DNAH6: variants seen among roughly 807,000 people sequenced by gnomAD.
DNAH6 encodes the protein axonemal beta dynein heavy chain 6.
DNAH6 carries 340 observed loss-of-function variants against 491.4 expected under a neutral mutation model. The observed-to-expected ratio is 0.69, with a 90% CI of 0.63 to 0.76. DNAH6 has a LOEUF of 0.76. Ranked by LOEUF, DNAH6 falls within the 30% of genes least tolerant of loss-of-function variation. The pLI, the probability that DNAH6 is intolerant of heterozygous loss-of-function variation, is 0.00. For synonymous variants in DNAH6, 1,603 were observed against 1,686.1 expected (o/e 0.95, Z 1.21); for missense variants, 4,443 against 4,972.2 (o/e 0.89, Z 3.20).
At chr2:84,613,008 G>GA (rs140314274) in intron 22 of DNAH6, among the ~76,000 whole-genome samples, 4,163 of 150,234 alleles carry the variant, frequency 0.028, 76 homozygotes, top group Non-Finnish European at 0.04. Context: ...CTTCTGAAAT[G>GA]AAAAAAAAAT....
intron 40 of DNAH6, among the ~76,000 whole-genome samples, chr2:84,675,749 C>T (rs1288050567): frequency 1.3e-5 from 2 of 152,186 alleles, no homozygotes; most frequent in African/African-American, 2.4e-5. Flanking sequence ...GCCTCAACCT[C>T]CCAGGCTCAA....
At chr2:84,703,305 A>T (rs1165692970) in intron 49 of DNAH6, 90 bp from the exon 50 acceptor site, 3 of 936,444 alleles carry the variant, frequency 3.2e-6, no homozygotes, top group Admixed American at 3.2e-5. Context: ...TGTAGACGTA[A>T]AAGTCTAATA....
intron 71 of DNAH6, 143 bp from the exon 72 acceptor site, chr2:84,808,272 A>G (rs1177028458): frequency 8.8e-6 from 8 of 908,418 alleles, no homozygotes; most frequent in Non-Finnish European, 1.3e-5. Context: ...TTATAGAAAC[A>G]TCACATTTAA....
chr2:84,679,597 C>T (rs1056652367), intron 41 of DNAH6, among the ~76,000 whole-genome samples: 3 of 152,170 alleles, frequency 2.0e-5, no homozygotes, highest in Non-Finnish European at 4.4e-5. Flanking sequence ...CTGCATCTTG[C>T]GTGCATGTTC....
chr2:84,564,286 C>T (rs1680956460), intron 11 of DNAH6, among the ~76,000 whole-genome samples: 2 of 152,096 alleles, frequency 1.3e-5, no homozygotes, highest in Admixed American at 1.3e-4. Context: ...TTGCTTTGGG[C>T]ATTATGGCCA....
In DNAH6 at chr2:84,727,989, C is replaced by G. The variant is rs562764010; in HGVS notation, c.10206+87C>G. On this transcript the variant is annotated intron_variant, in intron 61 of 76. Transcript: ENST00000389394. ...ATTTTGAATTGTAGCTACCATAATTCCCATGTGCTGTAGGATGGACCTGGT... is the reference window on the plus strand; with the variant it reads ...ATTTTGAATTGTAGCTACCATAATTGCCATGTGCTGTAGGATGGACCTGGT... The G allele has an allele frequency of 2.2e-4, 188 of 850,548 alleles. No individual in the cohort carries two copies. In the African/African-American group the frequency reaches 2.8e-3, roughly 13 times the overall value. The allele number at this position is 850,548 out of a possible 1,614,324, so 52.7% of individuals were successfully genotyped here.
chr2:84,634,633 G>A lies in DNAH6; in HGVS notation c.4645G>A (p.Ala1549Thr). ...QQLITIRNAK[A>T]AKLSRFMFEG... is the part of the protein sequence containing the mutation. ...ACTCATTACCATTAGGAACGCCAAA[G>A]CGGCAAAGGTAAGGCACTGGGCAAT... The change falls in exon 30 of 77, where the codon GCG becomes ACG. Residue 1549 changes from alanine (A) to threonine (T), a missense_variant. By Grantham distance (58) the Ala-to-Thr change is moderately conservative. Around this residue, in one of 3 missense-constraint regions of DNAH6, gnomAD observed 2,977 missense variants for 3,296.6 expected, o/e 0.90. Coordinates refer to ENST00000389394, the MANE Select transcript of DNAH6 (RefSeq NM_001370.2). 1.3e-6 allele frequency: 2 copies of A among 1,534,294 alleles called. No homozygotes were observed. Among genetic ancestry groups the A allele is most frequent in the Non-Finnish European group, 1.8e-6 (2 of 1,140,692 alleles).
intron 63 of DNAH6, among the ~76,000 whole-genome samples, chr2:84,761,789 TACACACACACACACACACACACAC>T (rs35707461): frequency 1.4e-5 from 2 of 141,784 alleles, no homozygotes; most frequent in Non-Finnish European, 3.1e-5. Context: ...CACACACACA[TACACACACACACACACACACACAC>T]ACACACACAG....
At chr2:84,646,897 GA>G (rs1230942401) in intron 33 of DNAH6, among the ~76,000 whole-genome samples, 11 of 152,196 alleles carry the variant, frequency 7.2e-5, no homozygotes, top group Non-Finnish European at 1.3e-4. Context: ...CCCCAGGCTG[GA>G]GTGCAGTAAC....
At chr2:84,469,709 T>C in the DNAH6 span, among the ~76,000 whole-genome samples, 1,679 of 152,252 alleles carry the variant, frequency 0.011, 29 homozygotes, top group African/African-American at 0.039. This position sits in a 1 kb window ranked among gnomAD's most constrained non-coding sequence, Gnocchi z 4.0. Flanking sequence ...CAAATTTCTC[T>C]TTTTAGGGAG....
chr2:84,718,715 G>A (rs867781976), intron 59 of DNAH6, among the ~76,000 whole-genome samples: 1 of 152,318 alleles, frequency 6.6e-6, no homozygotes, highest in Middle Eastern at 3.4e-3. Flanking sequence ...TTCCCAGTTG[G>A]AATTAACTTC....
chr2:84,637,246 T>C lies in DNAH6; in HGVS notation c.4690T>C (p.Leu1564=), dbSNP rs765697749. 1.3e-6 allele frequency: 2 copies of C among 1,549,874 alleles called. No homozygotes were observed. The highest frequency in any genetic ancestry group is 2.7e-5 in the African/African-American group (2 of 72,986). Reference sequence around the variant, plus strand: ...CATGTTTGAGGGGCGGGAAATAAAGTTGGTGATGACTTGTGCAGCCTTCAT... The same window carrying C: ...CATGTTTGAGGGGCGGGAAATAAAGCTGGTGATGACTTGTGCAGCCTTCAT... The part of the protein sequence containing the change: ...RFMFEGREIK[L]VMTCAAFITM... The change falls in exon 31 of 77, where the codon TTG becomes CTG. Residue 1564 remains leucine (L), a synonymous_variant. Coordinates refer to ENST00000389394, the MANE Select transcript of DNAH6 (RefSeq NM_001370.2).
At chr2:84,741,700 A>G (rs1558985059) in intron 62 of DNAH6, among the ~76,000 whole-genome samples, 1 of 152,198 alleles carries the variant, frequency 6.6e-6, no homozygotes, top group Non-Finnish European at 1.5e-5. Context: ...CTGGAGCAGC[A>G]CAGTGGCTGC....
intron 4 of DNAH6, among the ~76,000 whole-genome samples, chr2:84,536,962 T>C (rs1677750028): frequency 6.6e-6 from 1 of 152,016 alleles, no homozygotes; most frequent in African/African-American, 2.4e-5. Context: ...TTGTGTTTTG[T>C]CATATTATAT....
At chr2:84,543,822 T>G (rs905807328) in intron 4 of DNAH6, among the ~76,000 whole-genome samples, 3 of 152,206 alleles carry the variant, frequency 2.0e-5, no homozygotes, top group Admixed American at 6.5e-5. Flanking sequence ...CTAATTAATG[T>G]TTCCTTTTAT....
chr2:84,595,824 G>GTTATTT, intron 18 of DNAH6, 35 bp downstream of exon 18: 1 of 1,515,350 alleles, frequency 6.6e-7, no homozygotes, highest in Non-Finnish European at 8.8e-7. Flanking sequence ...AAAACTGTAG[G>GTTATTT]CCAGTTGGTT....
intron 68 of DNAH6, among the ~76,000 whole-genome samples, chr2:84,795,883 G>A (rs957312876): frequency 6.6e-6 from 1 of 152,154 alleles, no homozygotes; most frequent in Non-Finnish European, 1.5e-5. Context: ...ATGTATAGAG[G>A]TTGAATGCCT....
intron 4 of DNAH6, among the ~76,000 whole-genome samples, chr2:84,535,683 C>CA (rs72518363): frequency 0.058 from 5,925 of 101,396 alleles, 348 homozygotes; most frequent in African/African-American, 0.16. Flanking sequence ...ACCAGAAAAG[C>CA]AAAAAAAAAA....
chr2:84,778,465 A>G (rs563572025), intron 64 of DNAH6, among the ~76,000 whole-genome samples: 29 of 150,830 alleles, frequency 1.9e-4, no homozygotes, highest in African/African-American at 6.3e-4. Flanking sequence ...ATATTAGATC[A>G]TGAATCTAAT....
Sources: allele counts gnomAD v4.1 joint callset (sites outside exome capture counted in the v4.1 genomes callset), GRCh38; gene constraint gnomAD v4.1.1; regional missense constraint gnomAD v4.1.1; non-coding constraint Gnocchi (gnomAD v3.1); transcripts MANE v1.5; gene names NCBI Gene and HGNC (gene_info 2026-07-23, HGNC 2026-07-21).